CYSTM1: variants seen among roughly 807,000 people sequenced by gnomAD.
The protein encoded by CYSTM1 is cysteine-rich transmembrane module-containing protein 1.
In CYSTM1, 4 loss-of-function variants were observed where a neutral mutation model predicts 13.1. The ratio of observed to expected loss-of-function variants is 0.31; its 90% confidence interval spans 0.15 to 0.70. The LOEUF is 0.70. CYSTM1 is among the 30% of genes least tolerant of loss of function. The pLI, the probability that CYSTM1 is intolerant of heterozygous loss-of-function variation, is 0.72. For synonymous variants in CYSTM1, 36 were observed against 42.7 expected, an observed-to-expected ratio of 0.84 and a Z score of 0.62; for missense variants, 96 against 121.6, an observed-to-expected ratio of 0.79 and a Z score of 0.99.
chr5:140,188,596 G>T (rs1479209800), intron 1 of CYSTM1, among the ~76,000 whole-genome samples: 2 of 152,014 alleles, frequency 1.3e-5, no homozygotes, highest in Admixed American at 6.6e-5. Flanking sequence ...TCGAGACCAC[G>T]GTGAAACCCC....
At chr5:140,196,075 G>A (rs1167068414) in intron 2 of CYSTM1, among the ~76,000 whole-genome samples, 1 of 151,812 alleles carries the variant, frequency 6.6e-6, no homozygotes, top group Non-Finnish European at 1.5e-5. Flanking sequence ...GTGTCACATG[G>A]TCTCCTAAGT....
intron 1 of CYSTM1, among the ~76,000 whole-genome samples, chr5:140,188,558 G>A (rs374852286): frequency 3.3e-5 from 5 of 152,248 alleles, no homozygotes; most frequent in East Asian, 3.9e-4. Flanking sequence ...TTGGGAGGCC[G>A]AGGCGGGCGG....
In CYSTM1 at chr5:140,175,969, G is replaced by T. The variant is rs368769545; in HGVS notation, c.-21+684G>T. On this transcript the variant is annotated intron_variant, in intron 1 of 2. Transcript: ENST00000261811. The surrounding 1 kb of genome is among the most constrained non-coding windows in gnomAD (Gnocchi z 4.9). ...CTCCCGGTAGCAGTGGAGGTTGCAGGGGGGAGAGAAGGAGGGGAGGACCCC... is the reference window on the plus strand; with the variant it reads ...CTCCCGGTAGCAGTGGAGGTTGCAGTGGGGAGAGAAGGAGGGGAGGACCCC... Among the ~76,000 whole-genome samples, 1 of 152,200 alleles carries T rather than the reference G, an allele frequency of 6.6e-6. No homozygotes were observed. The highest frequency in any genetic ancestry group is 1.5e-5 in the Non-Finnish European group (1 of 68,032).
chr5:140,186,006 A>G (rs1044773945), intron 1 of CYSTM1, among the ~76,000 whole-genome samples: 1 of 152,192 alleles, frequency 6.6e-6, no homozygotes, highest in Non-Finnish European at 1.5e-5. Flanking sequence ...CTGTCAAACT[A>G]CCTTCACCAT....
intron 1 of CYSTM1, among the ~76,000 whole-genome samples, chr5:140,191,301 G>A (rs971164992): frequency 5.3e-5 from 8 of 151,974 alleles, no homozygotes; most frequent in Non-Finnish European, 1.0e-4. Flanking sequence ...CATGGTAGCT[G>A]GAGCACCTTT....
At chr5:140,191,675 G>C (rs1163704094) in intron 1 of CYSTM1, among the ~76,000 whole-genome samples, 2 of 152,190 alleles carry the variant, frequency 1.3e-5, no homozygotes, top group African/African-American at 2.4e-5. Flanking sequence ...GAGTGAGAAT[G>C]ATCTACGTGG....
intron 2 of CYSTM1, among the ~76,000 whole-genome samples, chr5:140,220,945 C>T (rs78939982): frequency 0.011 from 1,703 of 152,290 alleles, 15 homozygotes; most frequent in Non-Finnish European, 0.018. Context: ...GAGCCACCAA[C>T]GTACAGAGTT....
At chr5:140,221,568 G>T (rs1416206818) in intron 2 of CYSTM1, among the ~76,000 whole-genome samples, 2 of 152,318 alleles carry the variant, frequency 1.3e-5, no homozygotes, top group Admixed American at 1.3e-4. Context: ...TTTTTAGACT[G>T]AATAATATTC....
intron 2 of CYSTM1, among the ~76,000 whole-genome samples, chr5:140,222,427 T>G (rs1220381959): frequency 6.6e-6 from 1 of 152,246 alleles, no homozygotes; most frequent in African/African-American, 2.4e-5. Context: ...CCATCTGTAT[T>G]TGCCAGGCCA....
Position 140,243,297 on chromosome 5 carries a change from C to T in CYSTM1, c.188-8C>T. 1 of 1,610,958 alleles carries T rather than the reference C, an allele frequency of 6.2e-7. No individual in the cohort carries two copies. The highest frequency in any genetic ancestry group is 8.5e-7 in the Non-Finnish European group (1 of 1,177,188). On this transcript the variant is annotated splice_region_variant and splice_polypyrimidine_tract_variant and intron_variant, in intron 2 of 2. Coordinates refer to ENST00000261811, the MANE Select transcript of CYSTM1 (RefSeq NM_032412.4). ...CCATTCTCACCCTCTTCCCTCTTCTCCCTCCAGTGTATGTGGTAGAAGACC... is the reference window on the plus strand; with the variant it reads ...CCATTCTCACCCTCTTCCCTCTTCTTCCTCCAGTGTATGTGGTAGAAGACC...
At chr5:140,236,007 G>A (rs1351525586) in intron 2 of CYSTM1, among the ~76,000 whole-genome samples, 2 of 152,178 alleles carry the variant, frequency 1.3e-5, no homozygotes, top group African/African-American at 2.4e-5. Flanking sequence ...AAAACAGTTT[G>A]TTTCTAAGGC....
rs1156401316 is a variant in CYSTM1, at chr5:140,239,789, TTGATTC to T, written c.188-3515_188-3510del. On this transcript the variant is annotated intron_variant, in intron 2 of 2. Coordinates refer to ENST00000261811, the MANE Select transcript of CYSTM1 (RefSeq NM_032412.4). This position sits in a 1 kb window ranked among gnomAD's most constrained non-coding sequence, Gnocchi z 5.4. ...AGACTGGGGCTGAGAATACTGAGGG[TTGATTC>T]AAAGGGCTGACTGCGGGCAAGAGAG... Among the ~76,000 whole-genome samples, 13 of 152,104 alleles carry T rather than the reference TTGATTC, an allele frequency of 8.5e-5. No homozygotes were observed. The highest frequency in any genetic ancestry group is 4.6e-4 in the Admixed American group (7 of 15,282).
chr5:140,208,764 G>A (rs565087858), intron 2 of CYSTM1, among the ~76,000 whole-genome samples: 1 of 152,226 alleles, frequency 6.6e-6, no homozygotes, highest in Admixed American at 6.5e-5. Flanking sequence ...TCTTGGCTGG[G>A]TGTGGTGGCT....
At chr5:140,213,346 GTATAA>G (rs924844042) in intron 2 of CYSTM1, among the ~76,000 whole-genome samples, 14 of 152,092 alleles carry the variant, frequency 9.2e-5, no homozygotes, top group African/African-American at 2.2e-4. Context: ...TTGTTTAGCT[GTATAA>G]TATATTTATG....
intron 1 of CYSTM1, among the ~76,000 whole-genome samples, chr5:140,176,962 G>C (rs983116951): frequency 6.6e-6 from 1 of 151,478 alleles, no homozygotes; most frequent in Admixed American, 6.6e-5. Flanking sequence ...CCAGCTACAC[G>C]GGAGGCTGAG....
At chr5:140,212,024 T>C (rs1764373850) in intron 2 of CYSTM1, among the ~76,000 whole-genome samples, 1 of 152,166 alleles carries the variant, frequency 6.6e-6, no homozygotes, top group African/African-American at 2.4e-5. Context: ...CTAATTAGAT[T>C]TTATTTAGGT....
chr5:140,212,390 C>A (rs149905872), intron 2 of CYSTM1, among the ~76,000 whole-genome samples: 1 of 152,256 alleles, frequency 6.6e-6, no homozygotes, highest in Non-Finnish European at 1.5e-5. Context: ...TGTAAACGAA[C>A]CTACTGCGCT....
At chr5:140,191,459 G>A (rs1036526224) in intron 1 of CYSTM1, among the ~76,000 whole-genome samples, 7 of 152,186 alleles carry the variant, frequency 4.6e-5, no homozygotes, top group South Asian at 2.1e-4. Context: ...TGGGGAGGAC[G>A]CATACACTTG....
chr5:140,218,043 T>C (rs570113567), intron 2 of CYSTM1, among the ~76,000 whole-genome samples: 5 of 152,106 alleles, frequency 3.3e-5, no homozygotes, highest in African/African-American at 1.2e-4. Flanking sequence ...ACTGTGAGAG[T>C]TGGTAGAAAG....
Sources: allele counts gnomAD v4.1 joint callset (sites outside exome capture counted in the v4.1 genomes callset), GRCh38; gene constraint gnomAD v4.1.1; non-coding constraint Gnocchi (gnomAD v3.1); transcripts MANE v1.5; gene names NCBI Gene and HGNC (gene_info 2026-07-23, HGNC 2026-07-21).